PARVA: variants seen among roughly 807,000 people sequenced by gnomAD.
The protein encoded by PARVA is parvin alpha, also known as alpha-parvin.
PARVA carries 25 observed loss-of-function variants against 52.6 expected under a neutral mutation model. That is an observed-to-expected ratio of 0.48 (90% confidence interval 0.35 to 0.66). The LOEUF (loss-of-function observed/expected upper bound fraction) is 0.66, where lower values mean the gene tolerates loss of function less well. PARVA is among the 30% of genes least tolerant of loss of function. The probability of loss-of-function intolerance (pLI) is 0.01; values close to 1 mark genes in which losing one functional copy is unlikely to be tolerated. For missense variants in PARVA, 373 were observed against 450.9 expected, an observed-to-expected ratio of 0.83 and a Z score of 1.56; for synonymous variants, 185 against 179.1, an observed-to-expected ratio of 1.03 and a Z score of -0.26.
chr11:12,413,085 G>T (rs2134976479), intron 1 of PARVA, among the ~76,000 whole-genome samples: 1 of 152,342 alleles, frequency 6.6e-6, no homozygotes, highest in Admixed American at 6.5e-5. Flanking sequence ...GCCAGGCATT[G>T]GGATGCAGGC....
At chr11:12,428,136 G>A (rs747286500) in intron 1 of PARVA, among the ~76,000 whole-genome samples, 4 of 152,220 alleles carry the variant, frequency 2.6e-5, no homozygotes, top group Non-Finnish European at 5.9e-5. Flanking sequence ...TCTGTGAGGG[G>A]ACTGGGAAAT....
At position 12,473,909 on chromosome 11, in the gene PARVA, A is replaced by G; in HGVS notation, c.227-4A>G. 6.4e-7 allele frequency: 1 copy of G among 1,573,254 alleles called. No individual in the cohort carries two copies. The highest frequency in any genetic ancestry group is 8.6e-7 in the Non-Finnish European group (1 of 1,159,066). ...CCCCCACTGAATTCCTTTTCTTTTT[A>G]AAGAGGAGAATGAGGTGCGAACAAT... is the stretch of plus-strand genomic sequence containing the variant. On this transcript the variant is annotated splice_polypyrimidine_tract_variant and splice_region_variant and intron_variant, in intron 2 of 12. Transcript: ENST00000334956.
chr11:12,377,860 A>C (rs1939422963), intron 1 of PARVA, 77 bp downstream of exon 1: 1 of 1,140,816 alleles, frequency 8.8e-7, no homozygotes. Context: ...GGGCACTGGG[A>C]CCGGGCGGGA....
chr11:12,490,983 A>G (rs1382433100), intron 4 of PARVA, among the ~76,000 whole-genome samples: 1 of 152,162 alleles, frequency 6.6e-6, no homozygotes, highest in African/African-American at 2.4e-5. Flanking sequence ...AGAAAATGGA[A>G]TGAGAAAGAA....
chr11:12,452,097 G>T (rs140031850), intron 1 of PARVA, among the ~76,000 whole-genome samples: 3 of 151,956 alleles, frequency 2.0e-5, no homozygotes, highest in South Asian at 4.1e-4. Context: ...AACTGGTCCC[G>T]GCACCTGAGC....
intron 1 of PARVA, among the ~76,000 whole-genome samples, chr11:12,380,671 C>T (rs975351909): frequency 6.6e-6 from 1 of 150,532 alleles, no homozygotes; most frequent in Non-Finnish European, 1.5e-5. Flanking sequence ...TTACCAGACC[C>T]GCTCGAAGTG....
At chr11:12,402,779 C>G (rs1939847938) in intron 1 of PARVA, among the ~76,000 whole-genome samples, 1 of 152,214 alleles carries the variant, frequency 6.6e-6, no homozygotes, top group South Asian at 2.1e-4. Flanking sequence ...AGACTACACA[C>G]ACATACGTAA....
intron 1 of PARVA, among the ~76,000 whole-genome samples, chr11:12,459,501 C>A (rs762866330): frequency 1.3e-5 from 2 of 152,114 alleles, no homozygotes; most frequent in African/African-American, 4.8e-5. Context: ...TTCCCAGAGG[C>A]CCCACATTCC....
At chr11:12,409,722 A>C (rs1309319565) in intron 1 of PARVA, among the ~76,000 whole-genome samples, 1 of 152,248 alleles carries the variant, frequency 6.6e-6, no homozygotes, top group African/African-American at 2.4e-5. Flanking sequence ...CCCTGCCAGC[A>C]TGTTGATTTT....
In PARVA at chr11:12,478,277, C is replaced by T. The variant is rs568710417; in HGVS notation, c.400+328C>T. The stretch of plus-strand genomic sequence containing the variant: ...TCTCCAGAAAAGCATGCCTGTGTGG[C>T]CTCTGTCGGTATATTTACATGCATG... On this transcript the variant is annotated intron_variant, in intron 4 of 12. Coordinates refer to ENST00000334956, the MANE Select transcript of PARVA (RefSeq NM_018222.5). The T allele has an allele frequency of 2.0e-4, 79 of 393,312 alleles. 1 individual carries two copies. Among genetic ancestry groups the T allele is most frequent in the South Asian group, 1.6e-3 (75 of 47,476 alleles). The allele number at this position is 393,312 out of a possible 1,614,324, so 24.4% of individuals were successfully genotyped here.
intron 1 of PARVA, among the ~76,000 whole-genome samples, chr11:12,465,003 T>G (rs1197694560): frequency 6.6e-6 from 1 of 152,152 alleles, no homozygotes; most frequent in Non-Finnish European, 1.5e-5. Flanking sequence ...GCATGCACAA[T>G]TCACAATAGG....
intron 1 of PARVA, among the ~76,000 whole-genome samples, chr11:12,468,520 C>G (rs1055884394): frequency 6.6e-6 from 1 of 152,200 alleles, no homozygotes; most frequent in African/African-American, 2.4e-5. Flanking sequence ...TCTATTCACC[C>G]ATTGACTTTA....
chr11:12,448,720 C>G (rs1163899907), intron 1 of PARVA, among the ~76,000 whole-genome samples: 1 of 152,180 alleles, frequency 6.6e-6, no homozygotes, highest in Non-Finnish European at 1.5e-5. Flanking sequence ...TGAAGGTCAG[C>G]TGGTCCCTGT....
chr11:12,472,696 T>A (rs1483538277), intron 1 of PARVA, among the ~76,000 whole-genome samples: 1 of 152,114 alleles, frequency 6.6e-6, no homozygotes, highest in African/African-American at 2.4e-5. Context: ...ATAAAAAAAA[T>A]AAAATGGAAA....
chr11:12,525,415 G>A (rs1941688151), intron 12 of PARVA, among the ~76,000 whole-genome samples: 1 of 152,078 alleles, frequency 6.6e-6, no homozygotes, highest in Admixed American at 6.6e-5. Context: ...AAAGGGTAAG[G>A]GGAGCTTATT....
At chr11:12,482,050 C>T (rs553470471) in intron 4 of PARVA, among the ~76,000 whole-genome samples, 51 of 149,856 alleles carry the variant, frequency 3.4e-4, no homozygotes, top group African/African-American at 1.2e-3. Flanking sequence ...ATGCTACTTG[C>T]GAGGCTAAGA....
chr11:12,385,179 A>T (rs979037778), intron 1 of PARVA, among the ~76,000 whole-genome samples: 5 of 152,146 alleles, frequency 3.3e-5, no homozygotes, highest in African/African-American at 9.7e-5. Flanking sequence ...CTACAAAAAA[A>T]TTAGCCATGG....
intron 1 of PARVA, among the ~76,000 whole-genome samples, chr11:12,380,519 T>C (rs1939468937): frequency 6.6e-6 from 1 of 150,996 alleles, no homozygotes; most frequent in African/African-American, 2.5e-5. Flanking sequence ...GTGCATCACC[T>C]ACTGGTGCTG....
intron 1 of PARVA, among the ~76,000 whole-genome samples, chr11:12,412,367 A>T (rs1306588310): frequency 6.6e-6 from 1 of 152,202 alleles, no homozygotes; most frequent in Admixed American, 6.5e-5. Flanking sequence ...GCCCCAGTGG[A>T]TGATGGATAC....
Sources: gnomAD v4.1 joint callset for allele counts (sites outside exome capture counted in the v4.1 genomes callset) on GRCh38, gnomAD v4.1.1 for gene constraint, MANE v1.5 for transcripts, NCBI Gene and HGNC (gene_info 2026-07-23, HGNC 2026-07-21) for gene names.